Variants in SLCO5A1 observed in about 807,000 individuals in gnomAD.
SLCO5A1 encodes the protein solute carrier organic anion transporter family member 5A1.
Under a neutral mutation model 65.1 loss-of-function variants are expected in SLCO5A1, and 39 were observed. The observed-to-expected ratio is 0.60, with a 90% CI of 0.46 to 0.78. SLCO5A1 has a LOEUF of 0.78. Among genes scored for constraint, SLCO5A1 ranks in the 30% least tolerant of loss-of-function variants. SLCO5A1 has a pLI of 0.00. For missense variants in SLCO5A1, 1,029 were observed against 1,069.4 expected, an observed-to-expected ratio of 0.96 and a Z score of 0.53; for synonymous variants, 438 against 415.7, an observed-to-expected ratio of 1.05 and a Z score of -0.65.
chr8:69,692,429 T>C (rs1189099918), intron 6 of SLCO5A1, among the ~76,000 whole-genome samples: 1 of 152,198 alleles, frequency 6.6e-6, no homozygotes, highest in African/African-American at 2.4e-5. Flanking sequence ...ACTGTACACT[T>C]AGGCTACGCT....
In SLCO5A1 at chr8:69,831,833, T is replaced by C. The variant is rs201092499; in HGVS notation, c.841A>G (p.Ile281Val). The C allele has an allele frequency of 1.4e-5, 22 of 1,614,136 alleles. No individual in the cohort carries two copies. The African/African-American group carries it at 2.4e-4, about 18-fold the overall frequency. ...QILIGMGSTP[I>V]YTLGPTYLDD... The stretch of plus-strand genomic sequence containing the variant: ...AAGTAGGTTGGTCCCAGGGTATAAA[T>C]AGGTGTGGAGCCCATTCCAATGAGA... Residue 281 changes from isoleucine (I) to valine (V), a missense_variant, in exon 2 of 10, where the codon ATT becomes GTT. Coordinates refer to ENST00000260126, the MANE Select transcript of SLCO5A1 (RefSeq NM_030958.3).
intron 2 of SLCO5A1, among the ~76,000 whole-genome samples, chr8:69,784,931 A>G (rs565804043): frequency 2.1e-5 from 3 of 141,010 alleles, no homozygotes; most frequent in African/African-American, 8.2e-5. Flanking sequence ...AGAAAGAAAG[A>G]AAGAAAGAAA....
intron 5 of SLCO5A1, among the ~76,000 whole-genome samples, chr8:69,716,968 T>C (rs1815574218): frequency 6.6e-6 from 1 of 152,030 alleles, no homozygotes; most frequent in African/African-American, 2.4e-5. Context: ...TTTATGGAGA[T>C]GAGGTATCCC....
chr8:69,832,782 G>C lies in SLCO5A1; in HGVS notation c.-109C>G. The C allele has an allele frequency of 7.5e-7, 1 of 1,330,500 alleles. No individual in the cohort carries two copies. The highest frequency in any genetic ancestry group is 1.0e-6 in the Non-Finnish European group (1 of 995,412). 82.4% of individuals were successfully genotyped at this position (1,330,500 alleles called of 1,614,324 possible). On this transcript the variant is annotated 5_prime_UTR_variant, in exon 2 of 10. Coordinates refer to ENST00000260126, the MANE Select transcript of SLCO5A1 (RefSeq NM_030958.3). The surrounding 1 kb of genome is among the most constrained non-coding windows in gnomAD (Gnocchi z 4.5). ...GGCCCAGTCAGTCTTGCCCACCTGG[G>C]ACTGGGGCTGGGGGCGCAGGGCCGC... is the stretch of plus-strand genomic sequence containing the variant.
At chr8:69,813,224 AT>A (rs150559066) in intron 2 of SLCO5A1, among the ~76,000 whole-genome samples, 3,153 of 152,276 alleles carry the variant, frequency 0.021, 76 homozygotes, top group African/African-American at 0.071. Flanking sequence ...TAAAACTTCT[AT>A]GACCTTTGTA....
intron 3 of SLCO5A1, 131 bp from the exon 4 acceptor site, chr8:69,755,772 A>T (rs1817516436): frequency 1.4e-6 from 1 of 701,084 alleles, no homozygotes; most frequent in African/African-American, 1.8e-5. Context: ...AAGCAGTAGG[A>T]AGTTGAGCAA....
intron 6 of SLCO5A1, among the ~76,000 whole-genome samples, chr8:69,697,684 A>C (rs1814556379): frequency 1.3e-5 from 2 of 152,016 alleles, no homozygotes; most frequent in African/African-American, 4.8e-5. Flanking sequence ...AAATTTCACA[A>C]CACCTTGAAA....
chr8:69,820,976 G>A (rs912276266), intron 2 of SLCO5A1, among the ~76,000 whole-genome samples: 1 of 152,178 alleles, frequency 6.6e-6, no homozygotes, highest in African/African-American at 2.4e-5. Context: ...TGTTGGTAGA[G>A]TGAAACTAAA....
intron 2 of SLCO5A1, among the ~76,000 whole-genome samples, chr8:69,796,037 T>C (rs1160861948): frequency 6.6e-6 from 1 of 152,152 alleles, no homozygotes; most frequent in Middle Eastern, 3.2e-3. Context: ...TGTCCCAAGA[T>C]TGCACAGGGC....
chr8:69,720,336 G>A (rs557834776), intron 5 of SLCO5A1, among the ~76,000 whole-genome samples: 1 of 152,330 alleles, frequency 6.6e-6, no homozygotes, highest in Admixed American at 6.5e-5. Context: ...CTTTAATGGC[G>A]TGATGGTTCC....
In SLCO5A1 at chr8:69,686,599, C is replaced by T. The variant is rs143982956; in HGVS notation, c.1623-4256G>A. ...TATTGCCACACTTCCATCTTTCAGA[C>T]GAAGAAATTGAAGATTTGAGAGGAT... On this transcript the variant is annotated intron_variant, in intron 6 of 9. Transcript: ENST00000260126. Among the ~76,000 whole-genome samples, 876 of 152,210 alleles carry T rather than the reference C, an allele frequency of 5.8e-3. 3 individuals are homozygous for T. Among genetic ancestry groups the T allele is most frequent in the Middle Eastern group, 0.027 (8 of 294 alleles).
chr8:69,723,409 G>A lies in SLCO5A1; in HGVS notation c.1423+14631C>T, dbSNP rs565516219. On this transcript the variant is annotated intron_variant, in intron 5 of 9. Transcript: ENST00000260126. The stretch of plus-strand genomic sequence containing the variant: ...TGGGACCACAGGCACAAGCCACCAT[G>A]CCCACCTAATTTTTTTTTTTATTTT... Among the ~76,000 whole-genome samples, 90 of 151,844 alleles carry A rather than the reference G, an allele frequency of 5.9e-4. 1 individual carries two copies. The highest frequency in any genetic ancestry group is 2.1e-3 in the African/African-American group (87 of 41,390).
chr8:69,744,282 C>A (rs1169252238), intron 4 of SLCO5A1, among the ~76,000 whole-genome samples: 1 of 152,180 alleles, frequency 6.6e-6, no homozygotes, highest in East Asian at 1.9e-4. Context: ...GTGCGCCAGG[C>A]CTGTGAGAGC....
intron 5 of SLCO5A1, among the ~76,000 whole-genome samples, chr8:69,730,066 C>T (rs1311279052): frequency 6.6e-6 from 1 of 152,182 alleles, no homozygotes; most frequent in Non-Finnish European, 1.5e-5. Context: ...ATCTAATTAG[C>T]TCACTTAATA....
chr8:69,684,160 A>C (rs191316743), intron 6 of SLCO5A1, among the ~76,000 whole-genome samples: 1 of 152,330 alleles, frequency 6.6e-6, no homozygotes, highest in Admixed American at 6.5e-5. Context: ...TCCTAGTGTC[A>C]TATCATCTTA....
chr8:69,736,927 A>G (rs990525247), intron 5 of SLCO5A1, among the ~76,000 whole-genome samples: 5 of 152,232 alleles, frequency 3.3e-5, no homozygotes, highest in Admixed American at 6.5e-5. Flanking sequence ...AACTACAAGT[A>G]GAAGGTTTAG....
intron 4 of SLCO5A1, among the ~76,000 whole-genome samples, chr8:69,745,586 G>T (rs1194142313): frequency 1.3e-5 from 2 of 151,896 alleles, no homozygotes; most frequent in Non-Finnish European, 2.9e-5. Flanking sequence ...AAACATACTG[G>T]CCCCTCTTAA....
intron 4 of SLCO5A1, among the ~76,000 whole-genome samples, chr8:69,739,989 A>G (rs913546590): frequency 3.9e-5 from 6 of 152,254 alleles, no homozygotes; most frequent in East Asian, 3.8e-4. Context: ...GTAACATACT[A>G]TCACATGACT....
At chr8:69,828,418 T>C (rs748507852) in intron 2 of SLCO5A1, among the ~76,000 whole-genome samples, 17 of 152,102 alleles carry the variant, frequency 1.1e-4, no homozygotes, top group East Asian at 3.9e-4. Context: ...CTGGCTAACA[T>C]GGTGAAACCC....
Sources: gnomAD v4.1 joint callset for allele counts (sites outside exome capture counted in the v4.1 genomes callset) on GRCh38, gnomAD v4.1.1 for gene constraint, Gnocchi (gnomAD v3.1) non-coding constraint, MANE v1.5 for transcripts, NCBI Gene and HGNC (gene_info 2026-07-23, HGNC 2026-07-21) for gene names.